NCOA2: variants seen among roughly 807,000 people sequenced by gnomAD.
The protein encoded by NCOA2 is nuclear receptor coactivator 2.
A neutral mutation model predicts 145.1 loss-of-function variants in NCOA2; 21 were observed. The observed-to-expected ratio is 0.14, with a 90% CI of 0.10 to 0.21. NCOA2 has a LOEUF of 0.21. NCOA2 is among the 10% of genes least tolerant of loss of function. The probability of loss-of-function intolerance (pLI) is 1.00; values close to 1 mark genes in which losing one functional copy is unlikely to be tolerated. For missense variants in NCOA2, 1,472 were observed against 1,837.6 expected (o/e 0.80, Z 3.64); for synonymous variants, 619 against 637.5 (o/e 0.97, Z 0.44).
At chr8:70,312,301 T>G (rs535136208) in intron 1 of NCOA2, among the ~76,000 whole-genome samples, 1 of 152,302 alleles carries the variant, frequency 6.6e-6, no homozygotes, top group South Asian at 2.1e-4. Flanking sequence ...TATCTCAAAA[T>G]TATTTTCAAG....
At chr8:70,388,641 C>T (rs576992334) in intron 1 of NCOA2, among the ~76,000 whole-genome samples, 1 of 152,000 alleles carries the variant, frequency 6.6e-6, no homozygotes, top group Non-Finnish European at 1.5e-5. Flanking sequence ...CTGCAATATA[C>T]GAGTCACTCA....
At chr8:70,299,062 AAAAC>A (rs940049805) in intron 1 of NCOA2, among the ~76,000 whole-genome samples, 9 of 152,290 alleles carry the variant, frequency 5.9e-5, no homozygotes, top group South Asian at 2.1e-4. Context: ...TCCAACTCAA[AAAAC>A]AAACAAACAA....
intron 2 of NCOA2, among the ~76,000 whole-genome samples, chr8:70,240,745 C>T (rs546899260): frequency 4.3e-4 from 65 of 152,076 alleles, no homozygotes; most frequent in Non-Finnish European, 7.4e-4. Context: ...AACAGAAATA[C>T]ACATAAGGTT....
At chr8:70,383,158 G>A (rs1433932386) in intron 1 of NCOA2, among the ~76,000 whole-genome samples, 1 of 152,176 alleles carries the variant, frequency 6.6e-6, no homozygotes, top group East Asian at 1.9e-4. Context: ...TTCCAGAGAA[G>A]TCCTATCAAG....
chr8:70,121,434 G>T, intron 21 of NCOA2, 43 bp from the exon 22 acceptor site: 1 of 1,487,822 alleles, frequency 6.7e-7, no homozygotes, highest in Non-Finnish European at 9.3e-7. Context: ...AGAGCAGAAT[G>T]TCCAAGAGTG....
At chr8:70,288,963 C>T (rs1469918450) in intron 2 of NCOA2, among the ~76,000 whole-genome samples, 1 of 152,012 alleles carries the variant, frequency 6.6e-6, no homozygotes, top group African/African-American at 2.4e-5. Context: ...AATCTAAATT[C>T]TACTCAGTTA....
chr8:70,361,955 C>T (rs1368344141), intron 1 of NCOA2, among the ~76,000 whole-genome samples: 5 of 152,194 alleles, frequency 3.3e-5, no homozygotes, highest in African/African-American at 1.2e-4. Flanking sequence ...CTAGTTTTGA[C>T]AAGCCGTATG....
At chr8:70,122,122 CCTTA>C (rs1281965394) in intron 21 of NCOA2, among the ~76,000 whole-genome samples, 4 of 152,114 alleles carry the variant, frequency 2.6e-5, no homozygotes, top group African/African-American at 7.2e-5. Flanking sequence ...TCTCAGTAGC[CCTTA>C]CTTTGTACGC....
At chr8:70,301,655 CAAAAAAAAAA>C (rs71275063) in intron 1 of NCOA2, among the ~76,000 whole-genome samples, 8 of 60,166 alleles carry the variant, frequency 1.3e-4, no homozygotes, top group East Asian at 6.3e-4. Context: ...GACCCTTTCT[CAAAAAAAAAA>C]AAAAAAAAAA....
intron 2 of NCOA2, among the ~76,000 whole-genome samples, chr8:70,230,579 A>C (rs1285629897): frequency 6.6e-6 from 1 of 152,230 alleles, no homozygotes; most frequent in Non-Finnish European, 1.5e-5. Flanking sequence ...AGTATTTAGA[A>C]AACACACTGG....
chr8:70,247,751 C>T (rs1249433988), intron 2 of NCOA2, among the ~76,000 whole-genome samples: 4 of 152,290 alleles, frequency 2.6e-5, no homozygotes, highest in East Asian at 1.9e-4. Context: ...TTAACTACAA[C>T]GGCGCTTTTA....
chr8:70,273,535 A>G (rs1011476078), intron 2 of NCOA2: 3 of 716,220 alleles, frequency 4.2e-6, no homozygotes, highest in Non-Finnish European at 7.3e-6. Context: ...CTGGCATTGA[A>G]GAGGTGAATA....
the NCOA2 span, among the ~76,000 whole-genome samples, chr8:70,424,898 A>C: frequency 6.6e-6 from 1 of 152,218 alleles, no homozygotes; most frequent in Non-Finnish European, 1.5e-5. Flanking sequence ...TTCAAAAGGC[A>C]GCGTGGATCA....
rs118144785 is a variant in NCOA2 at position 70,334,388 on chromosome 8, A to G, written c.-76-37588T>C. 9.5e-4 allele frequency among the ~76,000 whole-genome samples: 144 copies of G among 152,172 alleles called. 3 individuals are homozygous for G. The East Asian group carries it at 0.027, about 28-fold the overall frequency. On this transcript the variant is annotated intron_variant, in intron 1 of 22. Coordinates refer to ENST00000452400, the MANE Select transcript of NCOA2 (RefSeq NM_006540.4). ...TTTCTGTGTCATGTGCTCACCCTGG[A>G]TCTATACCTTTATTAGCTCTACCTA... is the stretch of plus-strand genomic sequence containing the variant.
intron 6 of NCOA2, among the ~76,000 whole-genome samples, chr8:70,169,376 C>T (rs771553438): frequency 1.4e-4 from 22 of 152,282 alleles, no homozygotes; most frequent in African/African-American, 4.3e-4. Flanking sequence ...TCTGCAAGAC[C>T]GAAGAGCCCA....
chr8:70,256,432 C>T (rs1039524561), intron 2 of NCOA2, among the ~76,000 whole-genome samples: 10 of 152,180 alleles, frequency 6.6e-5, no homozygotes, highest in African/African-American at 2.4e-4. Context: ...ACCACAGCTG[C>T]CTTACCCAGT....
chr8:70,307,835 C>T (rs993579014), intron 1 of NCOA2, among the ~76,000 whole-genome samples: 2 of 152,064 alleles, frequency 1.3e-5, no homozygotes, highest in Non-Finnish European at 1.5e-5. Context: ...TAAATCTTAT[C>T]GATTTGGTAG....
intron 1 of NCOA2, chr8:70,357,579 A>G (rs1210382741): frequency 1.3e-5 from 2 of 152,266 alleles, no homozygotes; most frequent in Non-Finnish European, 2.9e-5. Context: ...ATCTCTACTA[A>G]AAATACAAAA....
chr8:70,437,126 C>G, the NCOA2 span, among the ~76,000 whole-genome samples: 1 of 152,336 alleles, frequency 6.6e-6, no homozygotes, highest in Admixed American at 6.5e-5. Flanking sequence ...ACCCTCTCTC[C>G]TGTCACATGA....
Sources: gnomAD v4.1 joint callset for allele counts (sites outside exome capture counted in the v4.1 genomes callset) on GRCh38, gnomAD v4.1.1 for gene constraint, MANE v1.5 for transcripts, NCBI Gene and HGNC (gene_info 2026-07-23, HGNC 2026-07-21) for gene names.